ADAMTS7: variants seen among roughly 807,000 people sequenced by gnomAD.
ADAMTS7 encodes A disintegrin and metalloproteinase with thrombospondin motifs 7.
A neutral mutation model predicts 172.6 loss-of-function variants in ADAMTS7; 89 were observed. The observed-to-expected ratio is 0.52, with a 90% confidence interval of 0.43 to 0.61. The LOEUF is 0.61. Ranked by LOEUF, ADAMTS7 falls within the 20% of genes least tolerant of loss-of-function variation. The pLI, the probability that ADAMTS7 is intolerant of heterozygous loss-of-function variation, is 0.00. For missense variants in ADAMTS7, 1,973 were observed against 2,355.6 expected, an observed-to-expected ratio of 0.84 and a Z score of 3.36; for synonymous variants, 885 against 978.4, an observed-to-expected ratio of 0.90 and a Z score of 1.78.
Position 78,768,121 on chromosome 15 carries a change from G to C in ADAMTS7, c.2645+12C>G. On this transcript the variant is annotated intron_variant, in intron 17 of 23. Coordinates refer to ENST00000388820, the MANE Select transcript of ADAMTS7 (RefSeq NM_014272.5). ...GGGGTGGGGAGTTGGCGGGGGATGG[G>C]GGCGGGCTCACCTGGCAGGGCAGGG... is the stretch of plus-strand genomic sequence containing the variant. 3.9e-6 allele frequency: 6 copies of C among 1,546,970 alleles called. No homozygotes were observed. The South Asian group carries it at 7.1e-5, about 18-fold the overall frequency.
At chr15:78,767,621 G>T in intron 17 of ADAMTS7, 29 bp from the exon 18 acceptor site, 1 of 1,514,868 alleles carries the variant, frequency 6.6e-7, no homozygotes, top group Non-Finnish European at 8.9e-7. Context: ...TGGCATCAGT[G>T]TGGCATCAGA....
At position 78,771,921 on chromosome 15, in the gene ADAMTS7, C is replaced by T. The variant is rs1440252339; in HGVS notation, c.2132-92G>A. 54 of 1,514,048 alleles carry T rather than the reference C, an allele frequency of 3.6e-5. No homozygotes were observed. The highest frequency in any genetic ancestry group is 3.2e-5 in the Non-Finnish European group (36 of 1,129,614). The allele number at this position is 1,514,048 out of a possible 1,614,324, so 93.8% of individuals were successfully genotyped here. A position where few individuals can be genotyped will look rare whatever the true frequency, so the allele number is the denominator to read the frequency against. Reference sequence around the variant, plus strand: ...CCTCATGTCTCTCCCCACTTGCCTCCGCCTGCTGATGCCAAAGCTTTAAAG... The same window carrying T: ...CCTCATGTCTCTCCCCACTTGCCTCTGCCTGCTGATGCCAAAGCTTTAAAG... On this transcript the variant is annotated intron_variant, in intron 14 of 23. Transcript: ENST00000388820. This position sits in a 1 kb window ranked among gnomAD's most constrained non-coding sequence, Gnocchi z 4.9.
At chr15:78,808,445 A>G (rs1334719827) in intron 1 of ADAMTS7, among the ~76,000 whole-genome samples, 2 of 152,198 alleles carry the variant, frequency 1.3e-5, no homozygotes, top group Non-Finnish European at 2.9e-5. Context: ...CATGTTGGCC[A>G]GGCTGGTTTC....
Position 78,771,310 on chromosome 15 carries a change from G to T in ADAMTS7, c.2377-7C>A, listed in dbSNP as rs3825823. ...TGCTCTCCTGGAACAGCAGCTGGGT[G>T]GGCAGGCGGGGGCCCATGAGCACAA... On this transcript the variant is annotated splice_polypyrimidine_tract_variant and splice_region_variant and intron_variant, in intron 15 of 23. Transcript: ENST00000388820. This position sits in a 1 kb window ranked among gnomAD's most constrained non-coding sequence, Gnocchi z 4.9. 1.2e-6 allele frequency: 2 copies of T among 1,611,960 alleles called. No individual in the cohort carries two copies. Among genetic ancestry groups the T allele is most frequent in the South Asian group, 1.1e-5 (1 of 90,970 alleles).
Position 78,790,777 on chromosome 15 carries a change from C to T in ADAMTS7, c.921G>A (p.Thr307=), listed in dbSNP as rs765336233. The T allele has an allele frequency of 1.2e-5, 20 of 1,613,846 alleles. No homozygotes were observed. The East Asian group carries it at 2.9e-4, about 23-fold the overall frequency. Residue 307 remains threonine, a synonymous_variant, in exon 6 of 24, where the codon ACG becomes ACA. Transcript: ENST00000388820. ...LEDEEEDLKI[T]HHADNTLKSF... Reference sequence around the variant, plus strand: ...TCTTCAGGGTGTTGTCTGCATGGTGCGTGATCTTTAGGTCCTCCTGGGGGC... The same window carrying T: ...TCTTCAGGGTGTTGTCTGCATGGTGTGTGATCTTTAGGTCCTCCTGGGGGC...
At chr15:78,782,930 G>A (rs1261770832) in intron 8 of ADAMTS7, among the ~76,000 whole-genome samples, 1 of 152,108 alleles carries the variant, frequency 6.6e-6, no homozygotes, top group African/African-American at 2.4e-5. Flanking sequence ...AGGAGGCTCT[G>A]GCCCAGGAAT....
chr15:78,796,536 AC>A, intron 4 of ADAMTS7, 53 bp downstream of exon 4: 1 of 1,548,940 alleles, frequency 6.5e-7, no homozygotes, highest in Non-Finnish European at 8.8e-7. Context: ...CACTCTTTGC[AC>A]CCCACCCCCC....
chr15:78,760,253 G>A (rs1371412566), intron 23 of ADAMTS7, among the ~76,000 whole-genome samples: 2 of 152,184 alleles, frequency 1.3e-5, no homozygotes, highest in Non-Finnish European at 2.9e-5. Flanking sequence ...AGGCTTGGCT[G>A]GGCCCTCCTG....
At chr15:78,802,728 GGCT>G (rs1428928693) in intron 1 of ADAMTS7, among the ~76,000 whole-genome samples, 5 of 152,298 alleles carry the variant, frequency 3.3e-5, no homozygotes, top group East Asian at 3.9e-4. Flanking sequence ...TGGGCACGGT[GGCT>G]CATGCCTGTA....
chr15:78,791,650 C>T (rs1331891233), intron 4 of ADAMTS7, among the ~76,000 whole-genome samples: 1 of 152,218 alleles, frequency 6.6e-6, no homozygotes, highest in Non-Finnish European at 1.5e-5. Flanking sequence ...GCAGTGCCCT[C>T]CTGACCTGGG....
intron 1 of ADAMTS7, among the ~76,000 whole-genome samples, chr15:78,802,510 C>T (rs984578432): frequency 6.6e-6 from 1 of 152,178 alleles, no homozygotes; most frequent in African/African-American, 2.4e-5. Flanking sequence ...CTTTCTTTTA[C>T]ATGCAAGAAT....
chr15:78,801,405 C>T (rs2055723878), intron 1 of ADAMTS7, among the ~76,000 whole-genome samples: 1 of 152,202 alleles, frequency 6.6e-6, no homozygotes, highest in Non-Finnish European at 1.5e-5. Context: ...CTGTTCCCTA[C>T]ACCTGGAACA....
chr15:78,804,312 G>A lies in ADAMTS7; in HGVS notation c.101-3765C>T, dbSNP rs538119837. 1.4e-3 allele frequency among the ~76,000 whole-genome samples: 220 copies of A among 152,298 alleles called. 1 individual carries two copies. The South Asian group carries it at 0.018, about 12-fold the overall frequency. On this transcript the variant is annotated intron_variant, in intron 1 of 23. Coordinates refer to ENST00000388820, the MANE Select transcript of ADAMTS7 (RefSeq NM_014272.5). The stretch of plus-strand genomic sequence containing the variant: ...AGTCTCAAGAGAAATCTCATGTGCC[G>A]GGGGTTGGGGGAGCTCTGGCATCCA...
rs1460011288 is a variant in ADAMTS7, at chr15:78,789,793, T to G, written c.1074A>C (p.Gly358=). 1 of 1,608,342 alleles carries G rather than the reference T, an allele frequency of 6.2e-7. No individual in the cohort carries two copies. The highest frequency in any genetic ancestry group is 1.7e-5 in the Admixed American group (1 of 59,154). The change falls in exon 7 of 24, where the codon GGA becomes GGC. Residue 358 remains glycine (G), a synonymous_variant. Coordinates refer to ENST00000388820, the MANE Select transcript of ADAMTS7 (RefSeq NM_014272.5). ...GGCACATGCCCGCCACATGGGACAG[T>G]CCCAGGGTCTCACAGGGCCGGTTCA... is the stretch of plus-strand genomic sequence containing the variant. ...AAMNRPCETL[G]LSHVAGMCQP...
chr15:78,792,256 T>G (rs1304883200), intron 4 of ADAMTS7, among the ~76,000 whole-genome samples: 2 of 152,020 alleles, frequency 1.3e-5, no homozygotes, highest in Non-Finnish European at 2.9e-5. Flanking sequence ...GAACCACCTT[T>G]CTCCAATACA....
rs1474758036 is a variant in ADAMTS7, at chr15:78,764,629, C to T, written c.4345G>A (p.Ala1449Thr). ...CGGCGGGCAGGCTGGGGCCGGCCAG[C>T]GGGGGCGCAGTCCTCATCCCGGCCG... ...SSGRDEDCAP[A>T]GRPQPARRCH... Residue 1449 changes from alanine (A) to threonine (T), a missense_variant, in exon 20 of 24, where the codon GCT becomes ACT. By Grantham distance (58) the Ala-to-Thr change is moderately conservative. This residue lies in a region of ADAMTS7 where 218 missense variants were observed against 216.9 expected (regional missense o/e 1.01). Coordinates refer to ENST00000388820, the MANE Select transcript of ADAMTS7 (RefSeq NM_014272.5). 30 of 1,556,332 alleles carry T rather than the reference C, an allele frequency of 1.9e-5. No homozygotes were observed. Among genetic ancestry groups the T allele is most frequent in the Non-Finnish European group, 2.3e-5 (27 of 1,159,290 alleles).
chr15:78,790,820 A>T, intron 5 of ADAMTS7, 26 bp from the exon 6 acceptor site: 1 of 1,611,600 alleles, frequency 6.2e-7, no homozygotes, highest in Non-Finnish European at 8.5e-7. Flanking sequence ...GTGACTGCTC[A>T]TGCCTCCCCT....
At chr15:78,797,802 G>A in intron 3 of ADAMTS7, 146 bp downstream of exon 3, 1 of 954,408 alleles carries the variant, frequency 1.0e-6, no homozygotes, top group South Asian at 1.7e-5. Context: ...TAAGGGCACA[G>A]GCTATGGTAA....
rs146904576 is a variant in ADAMTS7, at chr15:78,760,214, C to T, written c.4904-636G>A. On this transcript the variant is annotated intron_variant, in intron 23 of 23. Transcript: ENST00000388820. Reference sequence around the variant, plus strand: ...GAGCCCAGCCTGCTGGGGAGGGAGGCCAGCTGCAGGCTGTGCTTGTCAGGG... The same window carrying T: ...GAGCCCAGCCTGCTGGGGAGGGAGGTCAGCTGCAGGCTGTGCTTGTCAGGG... 8.8e-3 allele frequency among the ~76,000 whole-genome samples: 1,343 copies of T among 152,294 alleles called. 14 individuals are homozygous for T. The highest frequency in any genetic ancestry group is 0.024 in the Middle Eastern group (7 of 294).
Sources: allele counts gnomAD v4.1 joint callset (sites outside exome capture counted in the v4.1 genomes callset), GRCh38; gene constraint gnomAD v4.1.1; regional missense constraint gnomAD v4.1.1; non-coding constraint Gnocchi (gnomAD v3.1); transcripts MANE v1.5; gene names NCBI Gene and HGNC (gene_info 2026-07-23, HGNC 2026-07-21).